Variants in UBA6 observed in about 807,000 individuals in gnomAD.
The protein encoded by UBA6 is ubiquitin like modifier activating enzyme 6.
UBA6 carries 87 observed loss-of-function variants against 148.3 expected under a neutral mutation model. That is an observed-to-expected ratio of 0.59 (90% CI 0.49 to 0.70). The LOEUF is 0.70. UBA6 is among the 30% of genes least tolerant of loss of function. The pLI is 0.00. For missense variants in UBA6, 1,186 were observed against 1,241.2 expected (o/e 0.96, Z 0.67); for synonymous variants, 376 against 401.0 (o/e 0.94, Z 0.75).
chr4:67,654,896 GTC>G (rs1160095785), intron 13 of UBA6, among the ~76,000 whole-genome samples: 27 of 148,720 alleles, frequency 1.8e-4, no homozygotes, highest in African/African-American at 5.4e-4. Flanking sequence ...TGCAATCCTA[GTC>G]TCTGATAAAA....
Position 67,619,136 on chromosome 4 carries a change from A to G in UBA6, c.3024-4T>C, listed in dbSNP as rs1009928323. On this transcript the variant is annotated splice_polypyrimidine_tract_variant and splice_region_variant and intron_variant, in intron 32 of 32. Coordinates refer to ENST00000322244, the MANE Select transcript of UBA6 (RefSeq NM_018227.6). Reference sequence around the variant, plus strand: ...AGGTTTTACAAGTTTATGCATTCTAAGAAAAATAAGCAAGAATGAATACTT... The same window carrying G: ...AGGTTTTACAAGTTTATGCATTCTAGGAAAAATAAGCAAGAATGAATACTT... 1 of 1,589,008 alleles carries G rather than the reference A, an allele frequency of 6.3e-7. No individual in the cohort carries two copies. The highest frequency in any genetic ancestry group is 1.3e-5 in the African/African-American group (1 of 74,148).
chr4:67,646,863 G>T, intron 14 of UBA6, 72 bp from the exon 15 acceptor site: 1 of 873,808 alleles, frequency 1.1e-6, no homozygotes, highest in Non-Finnish European at 1.6e-6. Context: ...CTCCTTTATA[G>T]TTATTTAATA....
Position 67,625,061 on chromosome 4 carries a change from TTGAAAC to T in UBA6, c.2639_2644del (p.Arg880_Lys882delinsGln). The T allele has an allele frequency of 6.2e-7, 1 of 1,613,398 alleles. No individual in the cohort carries two copies. ...AATTTTACCAGCTATGCGCTTTGTT[TTGAAAC>T]GGTCAGCTGGTTCAATGCTGTACAT... is the stretch of plus-strand genomic sequence containing the variant. On this transcript the variant is annotated inframe_deletion, in exon 29 of 33. Coordinates refer to ENST00000322244, the MANE Select transcript of UBA6 (RefSeq NM_018227.6).
intron 18 of UBA6, 43 bp downstream of exon 18, chr4:67,641,108 T>G (rs774882666): frequency 8.2e-7 from 1 of 1,219,294 alleles, no homozygotes; most frequent in East Asian, 2.5e-5. Flanking sequence ...AACTCTTTTT[T>G]GTATAATACA....
chr4:67,651,718 C>G (rs1729557606), intron 13 of UBA6, among the ~76,000 whole-genome samples: 1 of 151,824 alleles, frequency 6.6e-6, no homozygotes, highest in Admixed American at 6.6e-5. Flanking sequence ...ATAAGCAAGA[C>G]AGGATGGAGC....
At chr4:67,673,561 T>A (rs1340352477) in intron 7 of UBA6, 136 bp downstream of exon 7, 1 of 482,798 alleles carries the variant, frequency 2.1e-6, no homozygotes, top group African/African-American at 1.9e-5. Flanking sequence ...AATGAATATA[T>A]CAAAATTAAT....
rs1356128084 is a variant in UBA6 at position 67,618,749 on chromosome 4, T to G, written c.*248A>C. On this transcript the variant is annotated 3_prime_UTR_variant, in exon 33 of 33. Coordinates refer to ENST00000322244, the MANE Select transcript of UBA6 (RefSeq NM_018227.6). ...ATACACAGATTAATACACAAAACTT[T>G]TGTAAATAGCATTCCAGTTCAAAGT... The G allele has an allele frequency of 2.8e-6, 1 of 355,326 alleles. No homozygotes were observed. The highest frequency in any genetic ancestry group is 7.8e-5 in the South Asian group (1 of 12,800). The allele number at this position is 355,326 out of a possible 1,614,324, so 22.0% of individuals were successfully genotyped here.
At chr4:67,641,116 A>C in intron 18 of UBA6, 35 bp downstream of exon 18, 1 of 1,299,478 alleles carries the variant, frequency 7.7e-7, no homozygotes, top group South Asian at 1.3e-5. Context: ...TTTGTATAAT[A>C]CATGATTTAA....
At chr4:67,669,240 AG>A (rs1730082526) in intron 8 of UBA6, among the ~76,000 whole-genome samples, 1 of 152,218 alleles carries the variant, frequency 6.6e-6, no homozygotes, top group African/African-American at 2.4e-5. Flanking sequence ...TGTTTTTCTC[AG>A]GGACAAACTA....
intron 6 of UBA6, among the ~76,000 whole-genome samples, chr4:67,674,684 G>A (rs186022038): frequency 4.7e-4 from 72 of 152,118 alleles, no homozygotes; most frequent in African/African-American, 1.7e-3. Flanking sequence ...TCAAAGACTC[G>A]ACCCATCACA....
intron 13 of UBA6, chr4:67,661,802 G>C (rs1289382260): frequency 8.3e-6 from 2 of 240,008 alleles, no homozygotes; most frequent in African/African-American, 4.4e-5. Context: ...GTGATAAAGA[G>C]ATATGAATGT....
chr4:67,678,658 C>T (rs1730349475), intron 4 of UBA6, 125 bp from the exon 5 acceptor site: 1 of 453,222 alleles, frequency 2.2e-6, no homozygotes, highest in Non-Finnish European at 4.0e-6. Context: ...TAAACAAAGG[C>T]ATAAGAATTA....
At chr4:67,696,777 G>A in intron 1 of UBA6, 70 bp from the exon 2 acceptor site, 1 of 1,238,322 alleles carries the variant, frequency 8.1e-7, no homozygotes, top group Non-Finnish European at 1.2e-6. Context: ...TGTGTGATCA[G>A]ATTCACCAGT....
chr4:67,625,337 T>G (rs533412604), intron 28 of UBA6, 150 bp from the exon 29 acceptor site: 301 of 561,450 alleles, frequency 5.4e-4, no homozygotes, highest in Admixed American at 2.1e-3. Context: ...GCAACTAATG[T>G]TATTGAAGGC....
In UBA6 at chr4:67,626,437, A is replaced by G; in HGVS notation, c.2441T>C (p.Val814Ala). ...CCTCTCATCTTCACTGCTAATAGGA[A>G]CATGGTCTGGTTTCCTTGCAGTTTC... ...TDETARKPDHVPISSEDERNA... is the reference protein window; with the variant it reads ...TDETARKPDHAPISSEDERNA... The change falls in exon 28 of 33, where the codon GTT becomes GCT. Residue 814 changes from valine to alanine, a missense_variant. By Grantham distance (64) the Val-to-Ala change is moderately conservative. Transcript: ENST00000322244. 1 of 1,611,368 alleles carries G rather than the reference A, an allele frequency of 6.2e-7. No individual in the cohort carries two copies. The highest frequency in any genetic ancestry group is 8.5e-7 in the Non-Finnish European group (1 of 1,178,296).
intron 19 of UBA6, among the ~76,000 whole-genome samples, chr4:67,637,385 C>G (rs1729186154): frequency 2.0e-5 from 3 of 151,882 alleles, no homozygotes; most frequent in South Asian, 4.2e-4. Flanking sequence ...GCCACCCCTT[C>G]TGGGAAGTGA....
Position 67,631,734 on chromosome 4 carries a change from T to C in UBA6, c.2232A>G (p.Pro744=), listed in dbSNP as rs1560479527. ...AAGGCTCATTTAAATCAAATTTTAT[T>C]GGAGAGGGTGGCCTCTTTGGTGACT... is the stretch of plus-strand genomic sequence containing the variant. ...FWQSPKRPPS[P]IKFDLNEPLH... Residue 744 remains proline (P), a synonymous_variant, in exon 25 of 33, where the codon CCA becomes CCG. Transcript: ENST00000322244. 2 of 1,610,398 alleles carry C rather than the reference T, an allele frequency of 1.2e-6. No individual in the cohort carries two copies. Among genetic ancestry groups the C allele is most frequent in the East Asian group, 4.5e-5 (2 of 44,756 alleles).
chr4:67,681,505 C>T, intron 4 of UBA6, 58 bp downstream of exon 4: 2 of 1,191,180 alleles, frequency 1.7e-6, no homozygotes, highest in Middle Eastern at 2.1e-4. Flanking sequence ...ATTACCATAA[C>T]AAATGAGCCA....
At chr4:67,689,533 TTCTC>T (rs1422088748) in intron 2 of UBA6, among the ~76,000 whole-genome samples, 1 of 152,112 alleles carries the variant, frequency 6.6e-6, no homozygotes, top group African/African-American at 2.4e-5. Flanking sequence ...AAATGTTTGT[TTCTC>T]TATCTAACTT....
Sources: allele counts gnomAD v4.1 joint callset (sites outside exome capture counted in the v4.1 genomes callset), GRCh38; gene constraint gnomAD v4.1.1; transcripts MANE v1.5; gene names NCBI Gene and HGNC (gene_info 2026-07-23, HGNC 2026-07-21).